The following ABCG2 variants were observed in gnomAD, a reference collection of about 807,000 sequenced individuals.
ABCG2 encodes the protein ATP binding cassette subfamily G member 2 (JR blood group), also known as broad substrate specificity ATP-binding cassette transporter ABCG2.
Under a neutral mutation model 73.5 loss-of-function variants are expected in ABCG2, and 80 were observed. The observed-to-expected ratio is 1.09, with a 90% CI of 0.91 to 1.31. ABCG2 has a LOEUF of 1.31. Among genes scored for constraint, ABCG2 ranks in the 50% most tolerant of loss-of-function variants. The pLI is 0.00. For synonymous variants in ABCG2, 269 were observed against 282.4 expected (o/e 0.95, Z 0.48); for missense variants, 796 against 786.2 (o/e 1.01, Z -0.15).
chr4:88,209,119 G>A (rs1263769585), intron 1 of ABCG2, among the ~76,000 whole-genome samples: 1 of 151,958 alleles, frequency 6.6e-6, no homozygotes, highest in Non-Finnish European at 1.5e-5. Flanking sequence ...ATACCAGCCT[G>A]GCCAACATGG....
At chr4:88,147,562 T>A (rs1726142297) in intron 1 of ABCG2, among the ~76,000 whole-genome samples, 1 of 152,224 alleles carries the variant, frequency 6.6e-6, no homozygotes, top group Admixed American at 6.5e-5. Flanking sequence ...AGGCTGGCTA[T>A]CATAAAAGCA....
chr4:88,093,572 T>A (rs1009394959), intron 15 of ABCG2, among the ~76,000 whole-genome samples: 1 of 151,856 alleles, frequency 6.6e-6, no homozygotes, highest in Non-Finnish European at 1.5e-5. Flanking sequence ...TCATCTTCCG[T>A]TACCATGAAG....
At chr4:88,172,342 AG>A (rs1476799572) in intron 1 of ABCG2, among the ~76,000 whole-genome samples, 2 of 149,738 alleles carry the variant, frequency 1.3e-5, no homozygotes, top group African/African-American at 5.0e-5. Context: ...CTATAATCCC[AG>A]CACTTTGGGA....
chr4:88,093,668 A>G (rs1241995537), intron 15 of ABCG2, among the ~76,000 whole-genome samples: 1 of 152,182 alleles, frequency 6.6e-6, no homozygotes, highest in East Asian at 1.9e-4. Context: ...AGAGGGACAG[A>G]ATAAAGAAAA....
At chr4:88,114,267 T>G (rs1270830800) in intron 8 of ABCG2, among the ~76,000 whole-genome samples, 2 of 152,072 alleles carry the variant, frequency 1.3e-5, no homozygotes, top group Non-Finnish European at 2.9e-5. Flanking sequence ...CAAACTGACG[T>G]TTTCTATTTG....
At chr4:88,129,044 T>C (rs1724645297) in intron 5 of ABCG2, among the ~76,000 whole-genome samples, 1 of 152,104 alleles carries the variant, frequency 6.6e-6, no homozygotes, top group African/African-American at 2.4e-5. Flanking sequence ...AAAAGGGAGA[T>C]AAAGTCAGGA....
Position 88,113,448 on chromosome 4 carries a change from T to A in ABCG2, c.1049A>T (p.His350Leu). ...SFYKETKAEL[H>L]QLSGGEKKKK... Reference sequence around the variant, plus strand: ...CTTCTTCTCACCCCCGGAAAGTTGATGTAATTCAGCTTTTGTCTCTTTGTA... The same window carrying A: ...CTTCTTCTCACCCCCGGAAAGTTGAAGTAATTCAGCTTTTGTCTCTTTGTA... Residue 350 changes from histidine to leucine, a missense_variant, in exon 9 of 16, where the codon CAT (histidine) becomes CTT (leucine). By Grantham distance (99) the His-to-Leu change is moderately conservative. Coordinates refer to ENST00000237612, the MANE Select transcript of ABCG2 (RefSeq NM_004827.3). The A allele has an allele frequency of 1.2e-6, 2 of 1,614,168 alleles. No homozygotes were observed. Among genetic ancestry groups the A allele is most frequent in the Non-Finnish European group, 1.7e-6 (2 of 1,180,034 alleles).
chr4:88,223,420 G>A (rs1482636560), intron 1 of ABCG2, among the ~76,000 whole-genome samples: 3 of 152,200 alleles, frequency 2.0e-5, no homozygotes, highest in Non-Finnish European at 2.9e-5. Context: ...CCTTCATGCT[G>A]TTCTCGTGAC....
chr4:88,222,523 A>G (rs1280838347), intron 1 of ABCG2, among the ~76,000 whole-genome samples: 2 of 152,206 alleles, frequency 1.3e-5, no homozygotes, highest in African/African-American at 4.8e-5. Context: ...CACCATCCAC[A>G]TAAGATGTGA....
At chr4:88,135,342 A>G (rs1021369354) in intron 2 of ABCG2, among the ~76,000 whole-genome samples, 8 of 152,226 alleles carry the variant, frequency 5.3e-5, no homozygotes, top group African/African-American at 1.9e-4. Context: ...CCTCCTGCCC[A>G]TGACATACAG....
At chr4:88,160,000 T>C (rs1727213011), upstream of ABCG2, among the ~76,000 whole-genome samples, 1 of 152,118 alleles carries the variant, frequency 6.6e-6, no homozygotes, top group Non-Finnish European at 1.5e-5. Context: ...CCCAGCACTT[T>C]GGGAGGCTGA....
chr4:88,093,467 G>A (rs1327732808), intron 15 of ABCG2, among the ~76,000 whole-genome samples: 1 of 140,670 alleles, frequency 7.1e-6, no homozygotes, highest in Admixed American at 7.7e-5. Flanking sequence ...TCGTGCCACT[G>A]CACTCCAGCC....
At chr4:88,128,116 T>C (rs1215573123) in intron 5 of ABCG2, among the ~76,000 whole-genome samples, 2 of 152,116 alleles carry the variant, frequency 1.3e-5, no homozygotes, top group East Asian at 3.9e-4. Flanking sequence ...GCAAAGGATA[T>C]GAACAGACAC....
rs781168909 is a variant in ABCG2, at chr4:88,097,529, G to A, written c.1571C>T (p.Ala524Val). The A allele has an allele frequency of 1.9e-6, 3 of 1,613,872 alleles. No individual in the cohort carries two copies. Among genetic ancestry groups the A allele is most frequent in the East Asian group, 4.5e-5 (2 of 44,888 alleles). Residue 524 changes from alanine to valine, a missense_variant, in exon 13 of 16, where the codon GCA becomes GTA. Physicochemically the swap from Ala to Val is moderately conservative, Grantham distance 64 (BLOSUM62 0). Coordinates refer to ENST00000237612, the MANE Select transcript of ABCG2 (RefSeq NM_004827.3). ...MMVAYSASSM[A>V]LAIAAGQSVV... ...ACTCTGACCTGCTGCTATGGCCAGT[G>A]CCATGGAACTGGCTGAATAAGCCAC...
rs748169857 is a variant in ABCG2, at chr4:88,095,533, C to T, written c.1724G>A (p.Arg575Gln). The change falls in exon 14 of 16, where the codon CGA becomes CAA. Residue 575 changes from arginine (R) to glutamine (Q), a missense_variant. By Grantham distance (43) the Arg-to-Gln change is conservative (BLOSUM62 1). Coordinates refer to ENST00000237612, the MANE Select transcript of ABCG2 (RefSeq NM_004827.3). ...AGGAAGACATACCGTAAATCCATATCGTGGAATGCTGAAGTACTGAAGCCA... is the reference window on the plus strand; with the variant it reads ...AGGAAGACATACCGTAAATCCATATTGTGGAATGCTGAAGTACTGAAGCCA... ...LSWLQYFSIPRYGFTALQHNE... is the reference protein window; with the variant it reads ...LSWLQYFSIPQYGFTALQHNE... 8.1e-6 allele frequency: 13 copies of T among 1,612,936 alleles called. No homozygotes were observed. Among genetic ancestry groups the T allele is most frequent in the African/African-American group, 1.3e-5 (1 of 74,872 alleles).
chr4:88,121,829 C>T, intron 5 of ABCG2, 37 bp from the exon 6 acceptor site: 1 of 1,597,370 alleles, frequency 6.3e-7, no homozygotes, highest in Non-Finnish European at 8.5e-7. Flanking sequence ...ATGATAACAA[C>T]CAGTCATTAT....
At chr4:88,185,387 G>GAATCTACTA (rs1374503754) in intron 1 of ABCG2, among the ~76,000 whole-genome samples, 1 of 152,128 alleles carries the variant, frequency 6.6e-6, no homozygotes, top group Non-Finnish European at 1.5e-5. Flanking sequence ...CTCAAACTAT[G>GAATCTACTA]AATCTACTAA....
upstream of ABCG2, among the ~76,000 whole-genome samples, chr4:88,159,502 T>G (rs1001725183): frequency 1.3e-5 from 2 of 152,212 alleles, no homozygotes; most frequent in Non-Finnish European, 2.9e-5. Flanking sequence ...TGTGCAATAT[T>G]CCGATGGTGT....
In ABCG2 at chr4:88,104,599, C is replaced by T. The variant is rs150736921; in HGVS notation, c.1277+2585G>A. On this transcript the variant is annotated intron_variant, in intron 10 of 15. Transcript: ENST00000237612. Reference sequence around the variant, plus strand: ...TGGATTGATAGGTGTAGCAAACCACCATGGCACACGTTTAACTATGTAGCA... The same window carrying T: ...TGGATTGATAGGTGTAGCAAACCACTATGGCACACGTTTAACTATGTAGCA... Among the ~76,000 whole-genome samples, 287 of 151,936 alleles carry T rather than the reference C, an allele frequency of 1.9e-3. 2 individuals carry two copies. Among genetic ancestry groups the T allele is most frequent in the African/African-American group, 6.6e-3 (273 of 41,438 alleles).
Sources: allele counts gnomAD v4.1 joint callset (sites outside exome capture counted in the v4.1 genomes callset), GRCh38; gene constraint gnomAD v4.1.1; transcripts MANE v1.5; gene names NCBI Gene and HGNC (gene_info 2026-07-23, HGNC 2026-07-21).